Variants in NKAIN2 observed in about 807,000 individuals in gnomAD.
NKAIN2 encodes the protein sodium/potassium transporting ATPase interacting 2, also known as sodium/potassium-transporting ATPase subunit beta-1-interacting protein 2.
In NKAIN2, 14 loss-of-function variants were observed where a neutral mutation model predicts 32.6. The ratio of observed to expected loss-of-function variants is 0.43; its 90% CI spans 0.28 to 0.67. NKAIN2 has a LOEUF of 0.67. NKAIN2 is among the 30% of genes least tolerant of loss of function. The pLI, the probability that NKAIN2 is intolerant of heterozygous loss-of-function variation, is 0.17. For missense variants in NKAIN2, 198 were observed against 258.3 expected (o/e 0.77, Z 1.60); for synonymous variants, 80 against 87.2 (o/e 0.92, Z 0.46).
Position 124,155,336 on chromosome 6 carries a change from G to A in NKAIN2, c.55-127669G>A, listed in dbSNP as rs774074886. ...CTGAATGTTCCCAACACAAAGAAAT[G>A]ATAAGTGTTCAAGATGGATATGCTA... On this transcript the variant is annotated intron_variant, in intron 1 of 6. Transcript: ENST00000368417. Among the ~76,000 whole-genome samples the A allele has an allele frequency of 2.0e-5, 3 of 152,196 alleles. No individual in the cohort carries two copies. The South Asian group carries it at 6.2e-4, about 32-fold the overall frequency.
At chr6:124,479,537 C>T (rs1777363098) in intron 3 of NKAIN2, among the ~76,000 whole-genome samples, 1 of 152,122 alleles carries the variant, frequency 6.6e-6, no homozygotes, top group Admixed American at 6.5e-5. Context: ...GGGAAGGATT[C>T]TGTCTGTGAC....
intron 3 of NKAIN2, among the ~76,000 whole-genome samples, chr6:124,497,834 A>AAC (rs1302139622): frequency 6.7e-6 from 1 of 150,274 alleles, no homozygotes; most frequent in Non-Finnish European, 1.5e-5. Context: ...TAAAAAAAAA[A>AAC]AAAAAAAAAA....
chr6:124,374,750 A>G (rs1312582008), intron 3 of NKAIN2, among the ~76,000 whole-genome samples: 2 of 152,166 alleles, frequency 1.3e-5, no homozygotes, highest in Non-Finnish European at 2.9e-5. Context: ...CATTATTTAT[A>G]CTGGGAAAAT....
At chr6:124,388,257 CTG>C (rs1377258233) in intron 3 of NKAIN2, among the ~76,000 whole-genome samples, 1 of 151,966 alleles carries the variant, frequency 6.6e-6, no homozygotes, top group Non-Finnish European at 1.5e-5. Flanking sequence ...CATCAGGACA[CTG>C]TTAGGTTTAT....
At chr6:124,632,805 G>A (rs531848513) in intron 3 of NKAIN2, among the ~76,000 whole-genome samples, 1 of 152,288 alleles carries the variant, frequency 6.6e-6, no homozygotes, top group Admixed American at 6.5e-5. Context: ...AACCAGACAG[G>A]AGACAAATCT....
intron 1 of NKAIN2, among the ~76,000 whole-genome samples, chr6:124,074,946 T>C (rs1307577566): frequency 6.6e-6 from 1 of 152,240 alleles, no homozygotes; most frequent in Non-Finnish European, 1.5e-5. Flanking sequence ...GTTTTATTCA[T>C]GAGCCTAGCA....
At chr6:124,018,804 C>T (rs1194015107) in intron 1 of NKAIN2, among the ~76,000 whole-genome samples, 4 of 152,148 alleles carry the variant, frequency 2.6e-5, no homozygotes, top group Non-Finnish European at 4.4e-5. Context: ...CTGTTCCAAC[C>T]TCTGCCTGTT....
chr6:124,783,849 T>A (rs1297308442), intron 4 of NKAIN2, among the ~76,000 whole-genome samples: 1 of 152,222 alleles, frequency 6.6e-6, no homozygotes, highest in Non-Finnish European at 1.5e-5. Flanking sequence ...AATATCCTTC[T>A]GTTCAAATTC....
intron 3 of NKAIN2, among the ~76,000 whole-genome samples, chr6:124,649,368 A>G (rs1174878410): frequency 6.6e-6 from 1 of 152,190 alleles, no homozygotes; most frequent in East Asian, 1.9e-4. Context: ...TTTAACAACA[A>G]AGATAAAATG....
At chr6:124,234,047 C>G (rs1414425749) in intron 1 of NKAIN2, among the ~76,000 whole-genome samples, 2 of 152,144 alleles carry the variant, frequency 1.3e-5, no homozygotes, top group Admixed American at 6.6e-5. Context: ...GTCCTTGGAT[C>G]TATGTACCTC....
chr6:124,244,062 A>C (rs939686390), intron 1 of NKAIN2, among the ~76,000 whole-genome samples: 1 of 138,028 alleles, frequency 7.2e-6, no homozygotes, highest in Non-Finnish European at 1.5e-5. Flanking sequence ...TCTGTAAAAG[A>C]TATCTTTTTT....
At chr6:124,439,439 TCTTATC>T (rs894852546) in intron 3 of NKAIN2, among the ~76,000 whole-genome samples, 1 of 151,922 alleles carries the variant, frequency 6.6e-6, no homozygotes, top group Non-Finnish European at 1.5e-5. Context: ...AGGTTACATC[TCTTATC>T]CTTATTTCTT....
intron 3 of NKAIN2, among the ~76,000 whole-genome samples, chr6:124,654,863 T>C (rs538594241): frequency 4.6e-5 from 7 of 152,258 alleles, no homozygotes; most frequent in African/African-American, 1.4e-4. Flanking sequence ...GAAAGCCCCT[T>C]GAAAGAACCT....
intron 3 of NKAIN2, among the ~76,000 whole-genome samples, chr6:124,549,878 G>A (rs1216797619): frequency 6.6e-6 from 1 of 152,174 alleles, no homozygotes; most frequent in Non-Finnish European, 1.5e-5. Flanking sequence ...TCTTGGTAAT[G>A]TTGACCATGA....
At chr6:124,493,683 G>C (rs1428142387) in intron 3 of NKAIN2, among the ~76,000 whole-genome samples, 1 of 126,074 alleles carries the variant, frequency 7.9e-6, no homozygotes, top group Non-Finnish European at 1.6e-5. Context: ...TTCTATGCTA[G>C]AATGTTATCT....
chr6:124,061,140 A>G (rs189166213), intron 1 of NKAIN2, among the ~76,000 whole-genome samples: 44 of 152,270 alleles, frequency 2.9e-4, no homozygotes, highest in African/African-American at 1.0e-3. Context: ...CTGATTGGCT[A>G]AGATTGCTCA....
chr6:124,132,244 A>G (rs1438777988), intron 1 of NKAIN2, among the ~76,000 whole-genome samples: 1 of 152,186 alleles, frequency 6.6e-6, no homozygotes, highest in Non-Finnish European at 1.5e-5. Flanking sequence ...TGTCCCCCAC[A>G]GTGGCTACAA....
chr6:124,277,299 T>C, intron 1 of NKAIN2, among the ~76,000 whole-genome samples: 1 of 152,152 alleles, frequency 6.6e-6, no homozygotes, highest in Non-Finnish European at 1.5e-5. Flanking sequence ...TTCTGTAGGT[T>C]AGGCTGGAAG....
At chr6:123,893,592 A>G (rs1774124541) in intron 1 of NKAIN2, among the ~76,000 whole-genome samples, 1 of 152,244 alleles carries the variant, frequency 6.6e-6, no homozygotes, top group Non-Finnish European at 1.5e-5. Context: ...CATTGAGGCA[A>G]TTGATGCCTG....
Sources: allele counts gnomAD v4.1 joint callset (sites outside exome capture counted in the v4.1 genomes callset), GRCh38; gene constraint gnomAD v4.1.1; transcripts MANE v1.5; gene names NCBI Gene and HGNC (gene_info 2026-07-23, HGNC 2026-07-21).